CADM2: variants seen among roughly 807,000 people sequenced by gnomAD.
CADM2 encodes the protein immunoglobulin superfamily member 4D.
In CADM2, 12 loss-of-function variants were observed where a neutral mutation model predicts 49.8. The ratio of observed to expected loss-of-function variants is 0.24; its 90% confidence interval spans 0.15 to 0.39. The LOEUF is 0.39. Ranked by LOEUF, CADM2 falls within the 10% of genes least tolerant of loss-of-function variation. The pLI, the probability that CADM2 is intolerant of heterozygous loss-of-function variation, is 1.00. For synonymous variants in CADM2, 214 were observed against 175.4 expected, an observed-to-expected ratio of 1.22 and a Z score of -1.74; for missense variants, 378 against 492.3, an observed-to-expected ratio of 0.77 and a Z score of 2.20.
intron 1 of CADM2, among the ~76,000 whole-genome samples, chr3:85,034,790 C>CT (rs1179967499): frequency 0.053 from 4,465 of 84,012 alleles, 323 homozygotes; most frequent in African/African-American, 0.082. Flanking sequence ...AGACATTTTG[C>CT]TTTTTTTTTT....
chr3:85,694,518 G>A (rs2066490396), intron 1 of CADM2, among the ~76,000 whole-genome samples: 1 of 152,180 alleles, frequency 6.6e-6, no homozygotes, highest in Admixed American at 6.5e-5. Flanking sequence ...AACCCACCCA[G>A]TGTGTGGTAT....
intron 1 of CADM2, among the ~76,000 whole-genome samples, chr3:85,213,347 T>C (rs2041846509): frequency 1.4e-5 from 2 of 147,980 alleles, no homozygotes; most frequent in Admixed American, 6.6e-5. Context: ...ACTATTCTAG[T>C]ATAATTTTTT....
intron 2 of CADM2, among the ~76,000 whole-genome samples, chr3:85,785,750 A>G (rs966307013): frequency 2.6e-5 from 4 of 152,068 alleles, no homozygotes; most frequent in Admixed American, 1.3e-4. Flanking sequence ...TTTGGAGTCT[A>G]TTTAAGCATT....
rs72907188 is a variant in CADM2 at position 85,170,302 on chromosome 3, A to G, written c.61+210634A>G. Among the ~76,000 whole-genome samples the G allele has an allele frequency of 6.4e-3, 970 of 152,170 alleles. 14 individuals carry two copies. Among genetic ancestry groups the G allele is most frequent in the African/African-American group, 0.022 (902 of 41,490 alleles). Reference sequence around the variant, plus strand: ...TTTTAGGTAAAATGTAGTGTTTTAAATAATGAATATGATGCTAGATTGGTC... The same window carrying G: ...TTTTAGGTAAAATGTAGTGTTTTAAGTAATGAATATGATGCTAGATTGGTC... On this transcript the variant is annotated intron_variant, in intron 1 of 9. Transcript: ENST00000383699.
At position 86,020,115 on chromosome 3, in the gene CADM2, G is replaced by A. The variant is rs553492927; in HGVS notation, c.971-45490G>A. 4.2e-3 allele frequency among the ~76,000 whole-genome samples: 638 copies of A among 152,182 alleles called. 1 individual carries two copies. The highest frequency in any genetic ancestry group is 8.6e-3 in the Admixed American group (132 of 15,280). On this transcript the variant is annotated intron_variant, in intron 8 of 9. Transcript: ENST00000383699. ...CAAGACTAATAAAGAAAAAAAGAGA[G>A]AAGAATCAAATAGATGCAATAAAAA...
intron 1 of CADM2, among the ~76,000 whole-genome samples, chr3:85,711,538 A>G (rs926423735): frequency 3.3e-5 from 5 of 152,342 alleles, no homozygotes; most frequent in African/African-American, 7.2e-5. Flanking sequence ...TGAAGAATTC[A>G]TATTTCATTT....
intron 8 of CADM2, among the ~76,000 whole-genome samples, chr3:86,042,657 G>A (rs1486999185): frequency 2.0e-5 from 3 of 152,092 alleles, no homozygotes; most frequent in Non-Finnish European, 2.9e-5. Flanking sequence ...GGTACAAGGA[G>A]GAGCTGGTAC....
intron 1 of CADM2, among the ~76,000 whole-genome samples, chr3:85,570,467 G>C (rs1275629654): frequency 6.6e-6 from 1 of 152,066 alleles, no homozygotes; most frequent in Non-Finnish European, 1.5e-5. Flanking sequence ...AATGCAAATT[G>C]TAGATATATA....
chr3:85,817,531 C>T (rs1323603572), intron 3 of CADM2, among the ~76,000 whole-genome samples: 1 of 152,122 alleles, frequency 6.6e-6, no homozygotes, highest in Non-Finnish European at 1.5e-5. Flanking sequence ...GGATGATGAT[C>T]AGTTATTTGT....
intron 1 of CADM2, among the ~76,000 whole-genome samples, chr3:85,032,634 A>T (rs2035035982): frequency 6.6e-6 from 1 of 152,144 alleles, no homozygotes; most frequent in African/African-American, 2.4e-5. Context: ...TCTCCCTTTA[A>T]TCATCGGAGA....
intron 6 of CADM2, among the ~76,000 whole-genome samples, chr3:85,913,223 A>G (rs1301502860): frequency 3.3e-5 from 5 of 152,168 alleles, no homozygotes; most frequent in African/African-American, 9.7e-5. Flanking sequence ...CTAGCAAATG[A>G]CAGACTTGTA....
intron 1 of CADM2, among the ~76,000 whole-genome samples, chr3:85,309,062 T>C (rs1040833951): frequency 5.3e-5 from 8 of 152,096 alleles, no homozygotes; most frequent in African/African-American, 1.9e-4. Context: ...TACAAAGAGA[T>C]GACTATAACA....
intron 1 of CADM2, among the ~76,000 whole-genome samples, chr3:85,627,727 A>G (rs1484672628): frequency 6.6e-6 from 1 of 152,070 alleles, no homozygotes; most frequent in Non-Finnish European, 1.5e-5. Context: ...AACAAAACAA[A>G]TAAAAACTCC....
At chr3:85,377,592 A>T (rs1387492882) in intron 1 of CADM2, among the ~76,000 whole-genome samples, 1 of 152,124 alleles carries the variant, frequency 6.6e-6, no homozygotes, top group East Asian at 1.9e-4. Flanking sequence ...CAATGGAAAC[A>T]TGAAATATAA....
At chr3:85,440,146 G>A (rs184384445) in intron 1 of CADM2, among the ~76,000 whole-genome samples, 1 of 152,240 alleles carries the variant, frequency 6.6e-6, no homozygotes, top group African/African-American at 2.4e-5. Context: ...GGCTAAAGTA[G>A]AAAAAATAGC....
At chr3:84,962,832 C>T (rs997928325) in intron 1 of CADM2, among the ~76,000 whole-genome samples, 1 of 152,118 alleles carries the variant, frequency 6.6e-6, no homozygotes, top group South Asian at 2.1e-4. Flanking sequence ...AACATATCTT[C>T]TCCATGTTTC....
chr3:85,378,544 C>T (rs2033722117), intron 1 of CADM2, among the ~76,000 whole-genome samples: 1 of 152,016 alleles, frequency 6.6e-6, no homozygotes, highest in African/African-American at 2.4e-5. Context: ...TTATCTTGTT[C>T]ATTGCTGAAT....
chr3:85,295,143 C>T (rs1293465017), intron 1 of CADM2, among the ~76,000 whole-genome samples: 1 of 152,190 alleles, frequency 6.6e-6, no homozygotes, highest in African/African-American at 2.4e-5. Flanking sequence ...CATGAACAGA[C>T]ACTTCTCAAA....
At chr3:85,206,946 A>G (rs1172622319) in intron 1 of CADM2, among the ~76,000 whole-genome samples, 1 of 149,984 alleles carries the variant, frequency 6.7e-6, no homozygotes, top group Non-Finnish European at 1.5e-5. Context: ...CCTCAAATAA[A>G]TAATATTTAA....
Sources: allele counts gnomAD v4.1 joint callset (sites outside exome capture counted in the v4.1 genomes callset), GRCh38; gene constraint gnomAD v4.1.1; transcripts MANE v1.5; gene names NCBI Gene and HGNC (gene_info 2026-07-23, HGNC 2026-07-21).